The following CNTN6 variants were observed in gnomAD, a reference collection of about 807,000 sequenced individuals.
CNTN6 encodes contactin 6.
A neutral mutation model predicts 122.8 loss-of-function variants in CNTN6; 137 were observed. The observed-to-expected ratio is 1.12, with a 90% CI of 0.97 to 1.29. The LOEUF (loss-of-function observed/expected upper bound fraction) is 1.29, where lower values mean the gene tolerates loss of function less well. Ranked by LOEUF, CNTN6 falls within the 50% of genes most tolerant of loss-of-function variation. The probability of loss-of-function intolerance (pLI) is 0.00; values close to 1 mark genes in which losing one functional copy is unlikely to be tolerated. For synonymous variants in CNTN6, 570 were observed against 426.0 expected (o/e 1.34, Z -4.16); for missense variants, 1,634 against 1,223.4 (o/e 1.34, Z -5.01).
In CNTN6 at chr3:1,102,903, C is replaced by G. The variant is rs574933629; in HGVS notation, c.-83+9783C>G. Among the ~76,000 whole-genome samples the G allele has an allele frequency of 1.8e-3, 272 of 150,826 alleles. 1 individual carries two copies. The highest frequency in any genetic ancestry group is 6.1e-3 in the African/African-American group (252 of 41,172). On this transcript the variant is annotated intron_variant, in intron 1 of 22. Coordinates refer to ENST00000446702, the MANE Select transcript of CNTN6 (RefSeq NM_001289080.2). ...CGGGCGGATCACGAGATCAGGAGAT[C>G]GAGACCATCCTGGCTAACACGGTGA...
At chr3:1,125,909 C>T (rs971945629) in intron 1 of CNTN6, among the ~76,000 whole-genome samples, 7 of 151,810 alleles carry the variant, frequency 4.6e-5, no homozygotes, top group Non-Finnish European at 7.4e-5. Context: ...TTCTGCTTTT[C>T]GGGCACTGTA....
chr3:1,174,110 T>C (rs2125308915), intron 2 of CNTN6, among the ~76,000 whole-genome samples: 1 of 152,316 alleles, frequency 6.6e-6, no homozygotes, highest in East Asian at 1.9e-4. Flanking sequence ...TCCAAGCACT[T>C]ACTTAATTTA....
chr3:1,280,527 C>T (rs1011839332), intron 5 of CNTN6, among the ~76,000 whole-genome samples: 3 of 125,968 alleles, frequency 2.4e-5, no homozygotes, highest in Non-Finnish European at 3.1e-5. Flanking sequence ...TGCAGTGGCT[C>T]GATCTTGGCT....
intron 2 of CNTN6, among the ~76,000 whole-genome samples, chr3:1,181,646 A>C (rs896429730): frequency 6.6e-6 from 1 of 152,146 alleles, no homozygotes; most frequent in Non-Finnish European, 1.5e-5. Flanking sequence ...TGCAGTTTTC[A>C]GTTGGAAAGG....
At chr3:1,259,642 T>C (rs2094812890) in intron 4 of CNTN6, among the ~76,000 whole-genome samples, 1 of 152,032 alleles carries the variant, frequency 6.6e-6, no homozygotes, top group Non-Finnish European at 1.5e-5. Flanking sequence ...CTTACATGAG[T>C]TGAGTCTTTA....
intron 1 of CNTN6, among the ~76,000 whole-genome samples, chr3:1,095,779 C>G (rs1010730545): frequency 1.3e-5 from 2 of 152,172 alleles, no homozygotes; most frequent in African/African-American, 4.8e-5. Flanking sequence ...TCATCAACTC[C>G]ACCCATACCA....
chr3:1,356,627 A>G (rs535502315), intron 12 of CNTN6, among the ~76,000 whole-genome samples: 15 of 151,942 alleles, frequency 9.9e-5, no homozygotes, highest in African/African-American at 3.4e-4. Flanking sequence ...AAATGACAAG[A>G]TGTATTGGAA....
At chr3:1,394,866 T>C (rs1450104602) in intron 20 of CNTN6, among the ~76,000 whole-genome samples, 1 of 152,176 alleles carries the variant, frequency 6.6e-6, no homozygotes, top group Non-Finnish European at 1.5e-5. Context: ...ATAAAAATTT[T>C]CGAAAACAGT....
intron 7 of CNTN6, among the ~76,000 whole-genome samples, chr3:1,311,246 CAT>C (rs1305431183): frequency 1.3e-4 from 18 of 143,242 alleles, no homozygotes; most frequent in South Asian, 4.4e-4. Flanking sequence ...TATATATACA[CAT>C]ATATATTTGT....
intron 11 of CNTN6, among the ~76,000 whole-genome samples, chr3:1,346,401 C>T (rs1290589825): frequency 6.6e-6 from 1 of 152,120 alleles, no homozygotes; most frequent in Admixed American, 6.6e-5. Context: ...AATGCCCTCC[C>T]TCTGGGTTGA....
chr3:1,294,701 T>C (rs1695910895), intron 5 of CNTN6, among the ~76,000 whole-genome samples: 1 of 152,212 alleles, frequency 6.6e-6, no homozygotes. Flanking sequence ...TGTCGACTCC[T>C]CCGTCACTTG....
chr3:1,112,069 A>G (rs1444683765), intron 1 of CNTN6, among the ~76,000 whole-genome samples: 1 of 152,176 alleles, frequency 6.6e-6, no homozygotes, highest in South Asian at 2.1e-4. Flanking sequence ...TGATACGAAT[A>G]AGCTGGGGAA....
intron 4 of CNTN6, among the ~76,000 whole-genome samples, chr3:1,239,351 C>T (rs2094455790): frequency 6.6e-6 from 1 of 152,130 alleles, no homozygotes; most frequent in African/African-American, 2.4e-5. Flanking sequence ...GTACACAAAT[C>T]GGTAGCTCTG....
chr3:1,260,912 T>A (rs1039163848), intron 4 of CNTN6, among the ~76,000 whole-genome samples: 1 of 152,122 alleles, frequency 6.6e-6, no homozygotes, highest in Non-Finnish European at 1.5e-5. Context: ...AATTACCCAG[T>A]GTCAGGTATG....
chr3:1,333,289 G>A (rs546028039), intron 11 of CNTN6, among the ~76,000 whole-genome samples: 2 of 151,994 alleles, frequency 1.3e-5, no homozygotes, highest in African/African-American at 4.8e-5. Context: ...AGGAGCACTA[G>A]AGATAATGTA....
At chr3:1,309,223 T>C (rs911885184) in intron 7 of CNTN6, among the ~76,000 whole-genome samples, 2 of 152,182 alleles carry the variant, frequency 1.3e-5, no homozygotes, top group African/African-American at 4.8e-5. Context: ...CAAGGTTACC[T>C]AGATATTCTC....
chr3:1,098,097 G>C (rs866366826), intron 1 of CNTN6, among the ~76,000 whole-genome samples: 11 of 108,252 alleles, frequency 1.0e-4, no homozygotes, highest in Admixed American at 2.4e-4. Context: ...ATATTTGCGG[G>C]GGGGGGAGGG....
chr3:1,331,424 A>C (rs1702274396), intron 11 of CNTN6, among the ~76,000 whole-genome samples: 1 of 152,012 alleles, frequency 6.6e-6, no homozygotes, highest in East Asian at 1.9e-4. Context: ...CTCAAGACAT[A>C]GGAACAGGTG....
chr3:1,348,842 T>C (rs895952038), intron 11 of CNTN6, among the ~76,000 whole-genome samples: 2 of 151,886 alleles, frequency 1.3e-5, no homozygotes, highest in Admixed American at 1.3e-4. Flanking sequence ...AGCCCAGAAG[T>C]TTGTCTTAAG....
Sources: allele counts gnomAD v4.1 joint callset (sites outside exome capture counted in the v4.1 genomes callset), GRCh38; gene constraint gnomAD v4.1.1; transcripts MANE v1.5; gene names NCBI Gene and HGNC (gene_info 2026-07-23, HGNC 2026-07-21).